Variants in FGF13 observed in about 807,000 individuals in gnomAD.
The protein encoded by FGF13 is fibroblast growth factor homologous factor 2.
A neutral mutation model predicts 19.5 loss-of-function variants in FGF13; 2 were observed. The ratio of observed to expected loss-of-function variants is 0.10; its 90% CI spans 0.04 to 0.32. The LOEUF (loss-of-function observed/expected upper bound fraction) is 0.32. Among genes scored for constraint, FGF13 ranks in the 10% least tolerant of loss-of-function variants. The pLI is 1.00. For synonymous variants in FGF13, 72 were observed against 76.9 expected (o/e 0.94, Z 0.33); for missense variants, 113 against 192.7 (o/e 0.59, Z 2.45).
At chrX:139,187,430 T>C (rs1603234402) in intron 1 of FGF13, among the ~76,000 whole-genome samples, 1 of 112,528 alleles carries the variant, frequency 8.9e-6, no homozygotes, top group African/African-American at 3.2e-5. Flanking sequence ...AGCCACTTTC[T>C]GGAATAGTTG....
intron 1 of FGF13, among the ~76,000 whole-genome samples, chrX:139,086,344 A>G (rs2083403363): frequency 8.9e-6 from 1 of 111,807 alleles, no homozygotes; most frequent in Non-Finnish European, 1.9e-5. Flanking sequence ...AATTTTAAAA[A>G]TTATGCCATT....
intron 1 of FGF13, among the ~76,000 whole-genome samples, chrX:139,065,569 C>T (rs1032976703): frequency 9.4e-6 from 1 of 106,878 alleles, no homozygotes; most frequent in African/African-American, 3.4e-5. Context: ...GATCAAAAGA[C>T]ACAAAGAAGG....
At chrX:138,897,004 G>A (rs927188379) in intron 1 of FGF13, among the ~76,000 whole-genome samples, 1 of 111,872 alleles carries the variant, frequency 8.9e-6, no homozygotes, top group Non-Finnish European at 1.9e-5. Flanking sequence ...GGCCACTTCA[G>A]AGGCAAGACA....
At chrX:138,867,219 G>C (rs1279373126) in intron 1 of FGF13, among the ~76,000 whole-genome samples, 1 of 110,538 alleles carries the variant, frequency 9.0e-6, no homozygotes, top group Non-Finnish European at 1.9e-5. Context: ...ACCAGCCTGG[G>C]CAACATAGTG....
intron 1 of FGF13, among the ~76,000 whole-genome samples, chrX:139,030,732 C>T (rs2092223546): frequency 8.9e-6 from 1 of 111,781 alleles, no homozygotes; most frequent in Admixed American, 9.5e-5. Context: ...TGGTGGAGTA[C>T]ACAGTCAGAC....
Position 138,616,903 on chromosome X carries a change from G to C in FGF13, c.*15947C>G, listed in dbSNP as rs2088973183. 8.9e-6 allele frequency: 1 copy of C among 111,980 alleles called. No homozygotes were observed. Among genetic ancestry groups the C allele is most frequent in the Non-Finnish European group, 1.9e-5 (1 of 53,275 alleles). The allele number at this position is 111,980 out of a possible 1,213,427, so 9.2% of individuals were successfully genotyped here. A position where few individuals can be genotyped will look rare whatever the true frequency, so the allele number is the denominator to read the frequency against. Reference sequence around the variant, plus strand: ...TGTATGTTGGCCCCTTTTAGCCACAGCTGAAGCTGAAGCAGCTGGGGACGC... The same window carrying C: ...TGTATGTTGGCCCCTTTTAGCCACACCTGAAGCTGAAGCAGCTGGGGACGC... On this transcript the variant is annotated 3_prime_UTR_variant, in exon 5 of 5. Transcript: ENST00000315930.
chrX:138,856,205 C>T (rs185800134), downstream of FGF13, among the ~76,000 whole-genome samples: 38 of 111,179 alleles, frequency 3.4e-4, no homozygotes, highest in African/African-American at 1.2e-3. Flanking sequence ...GGTGGTCACA[C>T]TCAACGTGAA....
chrX:139,090,938 T>C (rs1296520494), intron 1 of FGF13, among the ~76,000 whole-genome samples: 1 of 66,158 alleles, frequency 1.5e-5, no homozygotes, highest in Admixed American at 2.0e-4. Context: ...GGAGACCCTG[T>C]CTCAAAAAAA....
At chrX:138,960,139 T>C (rs2091861966) in intron 1 of FGF13, among the ~76,000 whole-genome samples, 1 of 112,127 alleles carries the variant, frequency 8.9e-6, no homozygotes, top group Non-Finnish European at 1.9e-5. Flanking sequence ...CAATTCGGCA[T>C]GTTTTTGCAG....
intron 1 of FGF13, among the ~76,000 whole-genome samples, chrX:138,971,420 A>G (rs187973150): frequency 2.7e-4 from 30 of 112,335 alleles, no homozygotes; most frequent in Admixed American, 2.3e-3. Flanking sequence ...GCACATATTT[A>G]TGTAAAACTG....
rs2090016194 is a variant in FGF13, at chrX:138,708,851, T to C, written c.265A>G (p.Ile89Val). The part of the protein sequence containing the change: ...YHLQLQADGT[I>V]DGTKDEDSTY... ...CTGTCCTCATCTTTGGTGCCATCAA[T>C]GGTTCCATCCGCCTGCAGCTGCAAG... is the stretch of plus-strand genomic sequence containing the variant. The change falls in exon 2 of 5, where the codon ATT becomes GTT. Residue 89 changes from isoleucine (I) to valine (V), a missense_variant. Ile to Val is a conservative substitution (Grantham distance 29, BLOSUM62 3). This residue lies in a region of FGF13 where 51 missense variants were observed against 78.5 expected (regional missense o/e 0.65). Transcript: ENST00000315930. 2.5e-6 allele frequency: 3 copies of C among 1,210,460 alleles called. No individual in the cohort carries two copies. The highest frequency in any genetic ancestry group is 3.4e-6 in the Non-Finnish European group (3 of 894,052).
At chrX:138,694,446 C>CT (rs2089870903) in intron 3 of FGF13, among the ~76,000 whole-genome samples, 2 of 98,298 alleles carry the variant, frequency 2.0e-5, no homozygotes, top group African/African-American at 7.5e-5. Context: ...TTTTTCTTTT[C>CT]TTTTCTTTTT....
At chrX:138,719,329 ACACT>A (rs1199457813) in intron 1 of FGF13, among the ~76,000 whole-genome samples, 1 of 112,418 alleles carries the variant, frequency 8.9e-6, no homozygotes, top group Non-Finnish European at 1.9e-5. Context: ...ACAGTTCATA[ACACT>A]CAATAACTTC....
In FGF13 at chrX:138,976,962, G is replaced by A. The variant is rs775179237; in HGVS notation, c.-112-112312C>T. Among the ~76,000 whole-genome samples the A allele has an allele frequency of 6.3e-5, 7 of 111,646 alleles. No homozygotes were observed. The South Asian group carries it at 1.9e-3, about 30-fold the overall frequency. ...GGATGCATTCCATAAATAAAAAGAG[G>A]TTTTACAGTGCTCTATAAACTAGCC... On this transcript the variant is annotated intron_variant, in intron 1 of 2. Coordinates refer to the FGF13 transcript ENST00000421460.
chrX:138,876,950 G>C (rs181523906), intron 1 of FGF13, among the ~76,000 whole-genome samples: 372 of 112,441 alleles, frequency 3.3e-3, no homozygotes, highest in African/African-American at 0.011. Flanking sequence ...AGCAAATAAA[G>C]TGTCGGTACT....
intron 3 of FGF13, among the ~76,000 whole-genome samples, chrX:138,811,433 C>T (rs867843044): frequency 9.1e-6 from 1 of 109,518 alleles, no homozygotes; most frequent in Non-Finnish European, 1.9e-5. Flanking sequence ...CATCACAAAC[C>T]GGGGCCTGTT....
chrX:138,746,049 C>G (rs772236495), intron 3 of FGF13, among the ~76,000 whole-genome samples: 1 of 111,831 alleles, frequency 8.9e-6, no homozygotes, highest in East Asian at 2.8e-4. Flanking sequence ...TGAAACTAAA[C>G]AGGACACAGC....
intron 2 of FGF13, among the ~76,000 whole-genome samples, chrX:138,706,992 C>T (rs1490272019): frequency 1.8e-5 from 2 of 112,381 alleles, no homozygotes; most frequent in Non-Finnish European, 3.8e-5. Context: ...TGTTATCAGG[C>T]TATGTTCTTT....
intron 1 of FGF13, among the ~76,000 whole-genome samples, chrX:138,988,101 A>C (rs1310437126): frequency 1.8e-5 from 2 of 111,134 alleles, no homozygotes; most frequent in African/African-American, 6.6e-5. Flanking sequence ...TATCTTTCAC[A>C]GTTTCCTTGG....
Sources: gnomAD v4.1 joint callset for allele counts (sites outside exome capture counted in the v4.1 genomes callset) on GRCh38, gnomAD v4.1.1 for gene constraint, gnomAD v4.1.1 regional missense constraint, MANE v1.5 for transcripts, NCBI Gene and HGNC (gene_info 2026-07-23, HGNC 2026-07-21) for gene names.